COG5: variants seen among roughly 807,000 people sequenced by gnomAD.
COG5 encodes the protein component of oligomeric golgi complex 5.
COG5 carries 86 observed loss-of-function variants against 110.4 expected under a neutral mutation model. The observed-to-expected ratio is 0.78, with a 90% CI of 0.65 to 0.93. The LOEUF (loss-of-function observed/expected upper bound fraction) is 0.93, where lower values mean the gene tolerates loss of function less well. Among genes scored for constraint, COG5 ranks in the 40% least tolerant of loss-of-function variants. The pLI is 0.00. For synonymous variants in COG5, 360 were observed against 334.6 expected, an observed-to-expected ratio of 1.08 and a Z score of -0.83; for missense variants, 1,077 against 987.0, an observed-to-expected ratio of 1.09 and a Z score of -1.22.
intron 18 of COG5, among the ~76,000 whole-genome samples, chr7:107,236,183 C>T (rs1801174838): frequency 6.6e-6 from 1 of 152,164 alleles, no homozygotes; most frequent in Non-Finnish European, 1.5e-5. Flanking sequence ...ATGGGAAGTG[C>T]TGCTTTCCTG....
intron 21 of COG5, 44 bp downstream of exon 21, chr7:107,210,481 TG>T: frequency 6.4e-7 from 1 of 1,563,520 alleles, no homozygotes. Flanking sequence ...CCACCCTCCT[TG>T]GGCTTCCAGA....
chr7:107,295,240 T>A (rs909498508), intron 12 of COG5, among the ~76,000 whole-genome samples: 1 of 149,458 alleles, frequency 6.7e-6, no homozygotes, highest in African/African-American at 2.5e-5. Context: ...CCGTACCCAG[T>A]CTTAATTTTC....
chr7:107,370,530 A>G, intron 8 of COG5, among the ~76,000 whole-genome samples: 1 of 152,076 alleles, frequency 6.6e-6, no homozygotes. Flanking sequence ...TCACGCCTGT[A>G]ATCTCAGCAC....
chr7:107,352,577 T>A (rs990074698), intron 10 of COG5, among the ~76,000 whole-genome samples: 3 of 152,104 alleles, frequency 2.0e-5, no homozygotes, highest in Non-Finnish European at 4.4e-5. Flanking sequence ...AAATTGAGAT[T>A]CCATAGATAA....
chr7:107,248,501 T>TAAA lies in COG5; in HGVS notation c.1750-5_1750-3dup. The TAAA allele has an allele frequency of 1.0e-5, 13 of 1,268,580 alleles. No homozygotes were observed. The highest frequency in any genetic ancestry group is 1.8e-5 in the African/African-American group (1 of 56,646). The allele number at this position is 1,268,580 out of a possible 1,614,324, so 78.6% of individuals were successfully genotyped here. ...ATTTTCCATAAGAGCATGAATAGCC[T>TAAA]AAAAAAAAAAAAGAAAGAAAAAAAA... On this transcript the variant is annotated splice_region_variant and splice_polypyrimidine_tract_variant and intron_variant, in intron 16 of 21. Transcript: ENST00000297135.
chr7:107,562,668 G>T (rs1435671263), intron 1 of COG5, among the ~76,000 whole-genome samples: 1 of 152,080 alleles, frequency 6.6e-6, no homozygotes, highest in Non-Finnish European at 1.5e-5. Context: ...ACAGAGACCC[G>T]GTCCTAGAGT....
At chr7:107,257,818 T>C (rs1301759422) in intron 15 of COG5, among the ~76,000 whole-genome samples, 1 of 152,158 alleles carries the variant, frequency 6.6e-6, no homozygotes, top group Non-Finnish European at 1.5e-5. Context: ...TCAGTGATTA[T>C]ATCATAAAAA....
chr7:107,530,549 C>T (rs1018130491), intron 5 of COG5, among the ~76,000 whole-genome samples: 5 of 134,060 alleles, frequency 3.7e-5, no homozygotes, highest in South Asian at 2.3e-4. Flanking sequence ...TGCGATGAGC[C>T]GAGATTGTGA....
chr7:107,511,603 T>C (rs1336310988), intron 6 of COG5, among the ~76,000 whole-genome samples: 1 of 152,160 alleles, frequency 6.6e-6, no homozygotes, highest in Non-Finnish European at 1.5e-5. Context: ...AAAAGAGAGT[T>C]TTAGACCAAT....
At position 107,202,211 on chromosome 7, in the gene COG5, G is replaced by A. The variant is rs1206865392; in HGVS notation, c.*1305C>T. Reference sequence around the variant, plus strand: ...TCGTGTTCTGTATCTCCTCAGCCATGTATCTTAAATATATTTTGTCATCAT... The same window carrying A: ...TCGTGTTCTGTATCTCCTCAGCCATATATCTTAAATATATTTTGTCATCAT... On this transcript the variant is annotated 3_prime_UTR_variant, in exon 22 of 22. Transcript: ENST00000297135. 2 of 152,458 alleles carry A rather than the reference G, an allele frequency of 1.3e-5. No individual in the cohort carries two copies. The highest frequency in any genetic ancestry group is 6.6e-5 in the Admixed American group (1 of 15,252). The allele number at this position is 152,458 out of a possible 1,614,324, so 9.4% of individuals were successfully genotyped here. A position where few individuals can be genotyped will look rare whatever the true frequency, so the allele number is the denominator to read the frequency against.
chr7:107,453,955 A>T (rs1795505683), intron 6 of COG5, among the ~76,000 whole-genome samples: 1 of 150,572 alleles, frequency 6.6e-6, no homozygotes, highest in African/African-American at 2.4e-5. Flanking sequence ...TATATGTGAA[A>T]TATCCAAATC....
intron 10 of COG5, among the ~76,000 whole-genome samples, chr7:107,331,397 G>A (rs556634018): frequency 6.6e-6 from 1 of 152,180 alleles, no homozygotes; most frequent in South Asian, 2.1e-4. Flanking sequence ...GAACCCGGGA[G>A]GCGGAGCTTG....
At chr7:107,464,461 G>C (rs1237216826) in intron 6 of COG5, among the ~76,000 whole-genome samples, 1 of 152,124 alleles carries the variant, frequency 6.6e-6, no homozygotes, top group Non-Finnish European at 1.5e-5. Flanking sequence ...TTCATTAACA[G>C]GCAGGTCGTT....
intron 8 of COG5, among the ~76,000 whole-genome samples, chr7:107,369,155 C>T (rs1029012431): frequency 2.6e-5 from 4 of 152,100 alleles, no homozygotes; most frequent in Non-Finnish European, 5.9e-5. Flanking sequence ...ACTGTTAGTA[C>T]ATATGTGCAC....
chr7:107,381,577 T>C (rs1563000737), intron 7 of COG5, among the ~76,000 whole-genome samples: 1 of 152,244 alleles, frequency 6.6e-6, no homozygotes, highest in Non-Finnish European at 1.5e-5. Context: ...GTCTTGTTTT[T>C]ATCCTTTTCA....
chr7:107,429,358 G>C (rs368951112), intron 6 of COG5, among the ~76,000 whole-genome samples: 6 of 151,900 alleles, frequency 3.9e-5, no homozygotes, highest in African/African-American at 7.3e-5. Context: ...GGTTTGATTT[G>C]CATTTTCCTA....
chr7:107,296,246 G>A (rs1806738646), intron 12 of COG5, among the ~76,000 whole-genome samples: 1 of 145,946 alleles, frequency 6.9e-6, no homozygotes, highest in Non-Finnish European at 1.5e-5. Context: ...TTACATAAAA[G>A]CAGAAAATAC....
Position 107,527,218 on chromosome 7 carries a change from A to T in COG5, c.538+19T>A. ...TAAATCTCTACTAACTTTTTATTTA[A>T]AAAAAAAAAAAAACTTACCAAGTTC... On this transcript the variant is annotated intron_variant, in intron 6 of 21. Transcript: ENST00000297135. 11 of 1,426,368 alleles carry T rather than the reference A, an allele frequency of 7.7e-6. No individual in the cohort carries two copies. The highest frequency in any genetic ancestry group is 9.4e-6 in the Non-Finnish European group (10 of 1,062,180). 88.4% of individuals were successfully genotyped at this position (1,426,368 alleles called of 1,614,324 possible). A position where few individuals can be genotyped will look rare whatever the true frequency, so the allele number is the denominator to read the frequency against.
At chr7:107,481,085 T>G (rs1209929228) in intron 6 of COG5, 3 of 152,208 alleles carry the variant, frequency 2.0e-5, no homozygotes, top group Non-Finnish European at 1.5e-5. Context: ...GACACCAATA[T>G]CAACTCCCTG....
Sources: gnomAD v4.1 joint callset for allele counts (sites outside exome capture counted in the v4.1 genomes callset) on GRCh38, gnomAD v4.1.1 for gene constraint, MANE v1.5 for transcripts, NCBI Gene and HGNC (gene_info 2026-07-23, HGNC 2026-07-21) for gene names.